The following FBXL4 variants were observed in gnomAD, a reference collection of about 807,000 sequenced individuals.
FBXL4 encodes the protein F-box and leucine rich repeat protein 4, also known as F-box/LRR-repeat protein 4.
Under a neutral mutation model 58.9 loss-of-function variants are expected in FBXL4, and 40 were observed. The ratio of observed to expected loss-of-function variants is 0.68; its 90% CI spans 0.53 to 0.88. The LOEUF (loss-of-function observed/expected upper bound fraction) is 0.88, where lower values mean the gene tolerates loss of function less well. FBXL4 is among the 40% of genes least tolerant of loss of function. FBXL4 has a pLI of 0.00. For synonymous variants in FBXL4, 263 were observed against 265.5 expected (o/e 0.99, Z 0.09); for missense variants, 676 against 734.4 (o/e 0.92, Z 0.92).
At chr6:98,894,372 TA>T (rs1413113494) in intron 7 of FBXL4, among the ~76,000 whole-genome samples, 1 of 152,086 alleles carries the variant, frequency 6.6e-6, no homozygotes, top group African/African-American at 2.4e-5. Flanking sequence ...TAAGCACAAC[TA>T]AAGTGTCCTC....
At chr6:98,878,362 C>A (rs1770727992) in intron 8 of FBXL4, among the ~76,000 whole-genome samples, 1 of 152,078 alleles carries the variant, frequency 6.6e-6, no homozygotes, top group Non-Finnish European at 1.5e-5. Context: ...TTGTAGCACA[C>A]ACCATTGTAA....
chr6:98,903,888 T>G (rs1771704785), intron 6 of FBXL4, among the ~76,000 whole-genome samples: 1 of 152,304 alleles, frequency 6.6e-6, no homozygotes, highest in East Asian at 1.9e-4. Context: ...AATATCTTTA[T>G]CTTCTCTGTA....
intron 1 of FBXL4, among the ~76,000 whole-genome samples, 196 bp from the exon 2 acceptor site, chr6:98,935,075 G>A (rs879443829): frequency 6.6e-6 from 1 of 152,174 alleles, no homozygotes; most frequent in Non-Finnish European, 1.5e-5. Flanking sequence ...AAGTAGGAAT[G>A]AATTTATCAG....
chr6:98,943,084 A>G (rs1189260955), intron 1 of FBXL4, among the ~76,000 whole-genome samples: 1 of 152,122 alleles, frequency 6.6e-6, no homozygotes, highest in African/African-American at 2.4e-5. Flanking sequence ...TGAAATCTGA[A>G]TAAGGTCTAT....
intron 5 of FBXL4, among the ~76,000 whole-genome samples, chr6:98,909,966 A>G (rs1278458626): frequency 6.6e-6 from 1 of 152,222 alleles, no homozygotes; most frequent in Non-Finnish European, 1.5e-5. Flanking sequence ...GAGAGGCATT[A>G]TAGTTACTAT....
chr6:98,911,763 G>C (rs1307551754), intron 5 of FBXL4, among the ~76,000 whole-genome samples: 1 of 152,204 alleles, frequency 6.6e-6, no homozygotes, highest in African/African-American at 2.4e-5. Context: ...ACTCTAAAAA[G>C]CAGAGCGCCT....
intron 7 of FBXL4, among the ~76,000 whole-genome samples, chr6:98,886,079 A>G (rs1771029149): frequency 6.6e-6 from 1 of 152,202 alleles, no homozygotes; most frequent in Admixed American, 6.5e-5. Context: ...ACCTCCTTAG[A>G]GACCCTGAGC....
intron 5 of FBXL4, among the ~76,000 whole-genome samples, chr6:98,910,923 G>C (rs543760818): frequency 3.3e-4 from 50 of 152,304 alleles, no homozygotes; most frequent in Non-Finnish European, 6.3e-4. Flanking sequence ...CCCTTTCCTG[G>C]TCAAGGAAAG....
intron 4 of FBXL4, among the ~76,000 whole-genome samples, chr6:98,924,486 G>T (rs1022058874): frequency 3.9e-5 from 6 of 152,244 alleles, no homozygotes; most frequent in African/African-American, 1.4e-4. Context: ...TAACCCGAGA[G>T]GCAGAGGTTG....
intron 2 of FBXL4, among the ~76,000 whole-genome samples, chr6:98,933,872 A>C (rs1482047994): frequency 6.6e-6 from 1 of 152,232 alleles, no homozygotes; most frequent in Non-Finnish European, 1.5e-5. Context: ...GTAAACCAAA[A>C]AATGACACAA....
At chr6:98,906,174 TAA>T (rs548854461) in intron 5 of FBXL4, among the ~76,000 whole-genome samples, 17 of 123,874 alleles carry the variant, frequency 1.4e-4, no homozygotes, top group Non-Finnish European at 1.6e-4. Context: ...CACTCAGCTT[TAA>T]AAAAAAAAAA....
chr6:98,885,912 C>G (rs9388815), intron 7 of FBXL4, among the ~76,000 whole-genome samples: 24,256 of 152,188 alleles, frequency 0.16, 2,329 homozygotes, highest in East Asian at 0.47. Flanking sequence ...AGCCAGCTGC[C>G]ATGTCATGAG....
chr6:98,914,926 T>C (rs1434052368), intron 5 of FBXL4, among the ~76,000 whole-genome samples: 2 of 152,154 alleles, frequency 1.3e-5, no homozygotes, highest in African/African-American at 4.8e-5. Flanking sequence ...AACCCCATTG[T>C]CTCAGCCCAA....
chr6:98,899,810 A>AT (rs1225058452), intron 6 of FBXL4, among the ~76,000 whole-genome samples: 1 of 152,218 alleles, frequency 6.6e-6, no homozygotes, highest in Non-Finnish European at 1.5e-5. Flanking sequence ...ACAAAAACAA[A>AT]AAAAAACAGC....
At chr6:98,915,224 C>G (rs1294889287) in intron 5 of FBXL4, among the ~76,000 whole-genome samples, 3 of 151,374 alleles carry the variant, frequency 2.0e-5, no homozygotes, top group Non-Finnish European at 4.4e-5. Flanking sequence ...GAATCAATAT[C>G]GTGAAAATGG....
chr6:98,932,313 G>A (rs947762490), intron 2 of FBXL4, among the ~76,000 whole-genome samples: 4 of 152,066 alleles, frequency 2.6e-5, no homozygotes. Flanking sequence ...CACAATCAAG[G>A]AATACCAAAA....
chr6:98,929,080 T>C (rs973228143), intron 2 of FBXL4, among the ~76,000 whole-genome samples: 1 of 152,216 alleles, frequency 6.6e-6, no homozygotes, highest in Non-Finnish European at 1.5e-5. Flanking sequence ...CACAAAATAT[T>C]TGACATGTTG....
At chr6:98,922,730 C>G (rs1487634698) in intron 4 of FBXL4, among the ~76,000 whole-genome samples, 3 of 152,184 alleles carry the variant, frequency 2.0e-5, no homozygotes, top group Non-Finnish European at 4.4e-5. Flanking sequence ...TCATTTAACT[C>G]AGAATTGACC....
intron 4 of FBXL4, 31 bp downstream of exon 4, chr6:98,926,446 A>G (rs1562245004): frequency 1.3e-6 from 2 of 1,545,806 alleles, no homozygotes; most frequent in East Asian, 2.3e-5. Context: ...TTTCTACCAT[A>G]TAACTTAGGT....
Sources: gnomAD v4.1 joint callset for allele counts (sites outside exome capture counted in the v4.1 genomes callset) on GRCh38, gnomAD v4.1.1 for gene constraint, MANE v1.5 for transcripts, NCBI Gene and HGNC (gene_info 2026-07-23, HGNC 2026-07-21) for gene names.